DLC1: variants seen among roughly 807,000 people sequenced by gnomAD.
DLC1 encodes DLC1 Rho GTPase activating protein, also known as rho GTPase-activating protein 7.
In DLC1, 54 loss-of-function variants were observed where a neutral mutation model predicts 140.3. That is an observed-to-expected ratio of 0.38 (90% CI 0.31 to 0.48). DLC1 has a LOEUF of 0.48. DLC1 is among the 20% of genes least tolerant of loss of function. The pLI, the probability that DLC1 is intolerant of heterozygous loss-of-function variation, is 0.96. For synonymous variants in DLC1, 986 were observed against 728.1 expected, an observed-to-expected ratio of 1.35 and a Z score of -5.70; for missense variants, 2,536 against 1,907.0, an observed-to-expected ratio of 1.33 and a Z score of -6.14.
At position 13,272,282 on chromosome 8, in the gene DLC1, T is replaced by C. The variant is rs574401920; in HGVS notation, c.1348+32987A>G. ...GGCCAACATGGTGAAACCCTGCCTC[T>C]ACTAAAAATACAAAAATTAGCCAGG... On this transcript the variant is annotated intron_variant, in intron 5 of 17. Transcript: ENST00000276297. Among the ~76,000 whole-genome samples the C allele has an allele frequency of 2.0e-4, 30 of 152,180 alleles. No homozygotes were observed. The South Asian group carries it at 6.0e-3, about 30-fold the overall frequency.
chr8:13,553,894 C>G lies in DLC1; in HGVS notation c.-126+50643G>C, dbSNP rs1199222930. Among the ~76,000 whole-genome samples the G allele has an allele frequency of 2.6e-5, 4 of 152,068 alleles. No homozygotes were observed. The East Asian group carries it at 7.8e-4, about 30-fold the overall frequency. On this transcript the variant is annotated intron_variant, in intron 1 of 1. Transcript: ENST00000631382. ...ATATATTTGAACACTTCCTTCTCCTCAAAATATTTTTCTTATGTCTCCCTT... is the reference window on the plus strand; with the variant it reads ...ATATATTTGAACACTTCCTTCTCCTGAAAATATTTTTCTTATGTCTCCCTT...
chr8:13,404,136 C>G (rs887156273), intron 2 of DLC1, among the ~76,000 whole-genome samples: 1 of 152,062 alleles, frequency 6.6e-6, no homozygotes, highest in Non-Finnish European at 1.5e-5. Flanking sequence ...AGACCTCATA[C>G]ATTTTAAGAT....
chr8:13,540,639 C>G (rs1440872813), intron 1 of DLC1, among the ~76,000 whole-genome samples: 1 of 152,142 alleles, frequency 6.6e-6, no homozygotes. Context: ...CAATCAATTT[C>G]CTATTATCAC....
At chr8:13,119,299 C>G (rs1039070982) in intron 5 of DLC1, among the ~76,000 whole-genome samples, 1 of 151,914 alleles carries the variant, frequency 6.6e-6, no homozygotes, top group African/African-American at 2.4e-5. Context: ...TGGCATCCAA[C>G]CTAATTGTTC....
chr8:13,374,898 A>G (rs972792549), intron 4 of DLC1, among the ~76,000 whole-genome samples: 4 of 152,184 alleles, frequency 2.6e-5, no homozygotes, highest in African/African-American at 9.7e-5. Context: ...TTCTCCTTGA[A>G]GAGGTCCTTC....
At position 13,365,396 on chromosome 8, in the gene DLC1, A is replaced by G. The variant is rs568167201; in HGVS notation, c.1314+28157T>C. On this transcript the variant is annotated intron_variant, in intron 4 of 17. Coordinates refer to ENST00000276297, the MANE Select transcript of DLC1 (RefSeq NM_182643.3). The stretch of plus-strand genomic sequence containing the variant: ...GCTCCCCTCCCTTGAAGGAGGAACT[A>G]CTGGCCTCAATTCACTTGCAGATAC... 4.6e-5 allele frequency among the ~76,000 whole-genome samples: 7 copies of G among 152,110 alleles called. No individual in the cohort carries two copies. The South Asian group carries it at 1.2e-3, about 27-fold the overall frequency.
intron 5 of DLC1, among the ~76,000 whole-genome samples, chr8:13,178,029 A>G (rs1051426561): frequency 6.6e-6 from 1 of 152,202 alleles, no homozygotes; most frequent in Non-Finnish European, 1.5e-5. Context: ...AATACATTTT[A>G]AATGAATTAA....
Position 13,401,603 on chromosome 8 carries a change from C to T in DLC1, c.1040G>A (p.Arg347Gln), listed in dbSNP as rs1393009212. ...CATGGAGTCCAGCCGCGCCCTATCT[C>T]GATCTTCTCTTATTTCCTGAGGAAC... ...LRKRKEIRED[R>Q]DRARLDSMVL... Residue 347 changes from arginine (R) to glutamine (Q), a missense_variant, in exon 3 of 18, where the codon CGA becomes CAA. Physicochemically the swap from Arg to Gln is conservative, Grantham distance 43. Coordinates refer to ENST00000276297, the MANE Select transcript of DLC1 (RefSeq NM_182643.3). 1.5e-5 allele frequency: 24 copies of T among 1,613,044 alleles called. No individual in the cohort carries two copies. Among genetic ancestry groups the T allele is most frequent in the East Asian group, 8.9e-5 (4 of 44,872 alleles).
chr8:13,549,998 G>T (rs1585264398), intron 1 of DLC1, among the ~76,000 whole-genome samples: 4 of 152,132 alleles, frequency 2.6e-5, no homozygotes, highest in South Asian at 2.1e-4. Flanking sequence ...TGAAATTGAA[G>T]AAATCAGTGA....
At chr8:13,196,665 C>A (rs991869279) in intron 5 of DLC1, among the ~76,000 whole-genome samples, 3 of 152,346 alleles carry the variant, frequency 2.0e-5, no homozygotes, top group Non-Finnish European at 2.9e-5. Context: ...TCCAGGGAAA[C>A]CTTGATCATC....
intron 5 of DLC1, among the ~76,000 whole-genome samples, chr8:13,168,606 A>G (rs1490433794): frequency 6.6e-6 from 1 of 152,248 alleles, no homozygotes; most frequent in Non-Finnish European, 1.5e-5. Context: ...GAAAAGACAC[A>G]GTATCTTTTG....
intron 5 of DLC1, among the ~76,000 whole-genome samples, chr8:13,205,813 A>G (rs1827633286): frequency 6.6e-6 from 1 of 152,198 alleles, no homozygotes; most frequent in Admixed American, 6.5e-5. Flanking sequence ...CATCTGAAAG[A>G]AATTTGACTA....
chr8:13,279,215 CA>C (rs1199576259), intron 5 of DLC1, among the ~76,000 whole-genome samples: 3 of 152,148 alleles, frequency 2.0e-5, no homozygotes, highest in Non-Finnish European at 4.4e-5. Context: ...GGCAATGAGC[CA>C]AGAGAACCAA....
Position 13,090,353 on chromosome 8 carries a change from G to A in DLC1, c.3973C>T (p.Leu1325Phe). ...NDDSADYQHFLQDCVDGLFKE... is the reference protein window; with the variant it reads ...NDDSADYQHFFQDCVDGLFKE... ...AACAGGCCATCCACACAGTCCTGGA[G>A]GAAGTGTTGGTAGTCAGCTGAGTCA... Residue 1325 changes from leucine to phenylalanine, a missense_variant, in exon 15 of 18, where the codon CTC becomes TTC. Coordinates refer to ENST00000276297, the MANE Select transcript of DLC1 (RefSeq NM_182643.3). 2 of 1,614,192 alleles carry A rather than the reference G, an allele frequency of 1.2e-6. No homozygotes were observed. Among genetic ancestry groups the A allele is most frequent in the Non-Finnish European group, 1.7e-6 (2 of 1,180,044 alleles).
chr8:13,503,510 A>G (rs1489551344), intron 1 of DLC1, among the ~76,000 whole-genome samples: 3 of 152,182 alleles, frequency 2.0e-5, no homozygotes, highest in Non-Finnish European at 4.4e-5. Flanking sequence ...CTATTTTTGC[A>G]CTTGTCTCTG....
chr8:13,451,455 G>A (rs1301679245), intron 2 of DLC1, among the ~76,000 whole-genome samples: 1 of 152,074 alleles, frequency 6.6e-6, no homozygotes, highest in Non-Finnish European at 1.5e-5. Context: ...CTATGAAATA[G>A]TAGGTCTTAT....
intron 2 of DLC1, among the ~76,000 whole-genome samples, chr8:13,451,677 G>A (rs912436282): frequency 3.9e-5 from 6 of 152,104 alleles, no homozygotes; most frequent in Non-Finnish European, 7.4e-5. Flanking sequence ...TTCCATCCAT[G>A]TTGAAAATGA....
intron 5 of DLC1, among the ~76,000 whole-genome samples, chr8:13,261,869 A>G (rs889386605): frequency 6.6e-6 from 1 of 152,230 alleles, no homozygotes; most frequent in Admixed American, 6.5e-5. Flanking sequence ...AGCATTTGTA[A>G]AACAAGGATG....
At chr8:13,133,279 C>G (rs1244451276) in intron 5 of DLC1, 4 of 1,314,674 alleles carry the variant, frequency 3.0e-6, no homozygotes, top group East Asian at 7.1e-5. Context: ...CTCGGGCAGT[C>G]GGAGCGAACT....
Sources: gnomAD v4.1 joint callset for allele counts (sites outside exome capture counted in the v4.1 genomes callset) on GRCh38, gnomAD v4.1.1 for gene constraint, MANE v1.5 for transcripts, NCBI Gene and HGNC (gene_info 2026-07-23, HGNC 2026-07-21) for gene names.